The following PRKN variants were observed in gnomAD, a reference collection of about 807,000 sequenced individuals.
PRKN encodes the protein E3 ubiquitin-protein ligase parkin.
PRKN carries 56 observed loss-of-function variants against 59.5 expected under a neutral mutation model. The observed-to-expected ratio is 0.94, with a 90% CI of 0.76 to 1.18. The LOEUF (loss-of-function observed/expected upper bound fraction) is 1.18. Ranked by LOEUF, PRKN falls within the 50% of genes most tolerant of loss-of-function variation. The probability of loss-of-function intolerance (pLI) is 0.00; values close to 1 mark genes in which losing one functional copy is unlikely to be tolerated. For missense variants in PRKN, 657 were observed against 596.4 expected (o/e 1.10, Z -1.06); for synonymous variants, 250 against 222.1 (o/e 1.13, Z -1.12).
At chr6:161,924,690 G>T (rs1386421546) in intron 6 of PRKN, among the ~76,000 whole-genome samples, 1 of 152,180 alleles carries the variant, frequency 6.6e-6, no homozygotes, top group East Asian at 1.9e-4. Context: ...ACTGCCCAGG[G>T]AAAGTGTTTG....
chr6:161,943,867 TGAGGAAG>T (rs777393049), intron 6 of PRKN, among the ~76,000 whole-genome samples: 31,828 of 147,006 alleles, frequency 0.22, 4,291 homozygotes, highest in Middle Eastern at 0.34. Context: ...GGAAGCAGCC[TGAGGAAG>T]CAGCCTGAGG....
At chr6:162,042,663 A>G (rs972835977) in intron 5 of PRKN, among the ~76,000 whole-genome samples, 2 of 152,168 alleles carry the variant, frequency 1.3e-5, no homozygotes, top group African/African-American at 4.8e-5. Flanking sequence ...TCCACATTTA[A>G]ATGCAGGCCT....
intron 7 of PRKN, among the ~76,000 whole-genome samples, chr6:161,686,729 T>C (rs111793476): frequency 3.3e-5 from 5 of 152,206 alleles, no homozygotes; most frequent in African/African-American, 9.6e-5. Flanking sequence ...TCTGCCTTCG[T>C]ATCTTTGCTA....
chr6:161,742,671 T>C (rs944277762), intron 7 of PRKN, among the ~76,000 whole-genome samples: 3 of 152,194 alleles, frequency 2.0e-5, no homozygotes, highest in Admixed American at 1.3e-4. Flanking sequence ...CTTCACTTTT[T>C]TGAAGAGAAA....
In PRKN at chr6:161,385,753, A is replaced by T. The variant is rs945757363; in HGVS notation, c.1167+1041T>A. Among the ~76,000 whole-genome samples the T allele has an allele frequency of 6.6e-6, 1 of 152,202 alleles. No homozygotes were observed. Among genetic ancestry groups the T allele is most frequent in the African/African-American group, 2.4e-5 (1 of 41,458 alleles). The stretch of plus-strand genomic sequence containing the variant: ...CTGGGCCATTATTGCTTTTGCTGTC[A>T]GTACCTGGTAAGCTCGCGTTTGAAT... On this transcript the variant is annotated intron_variant, in intron 10 of 11. Coordinates refer to ENST00000366898, the MANE Select transcript of PRKN (RefSeq NM_004562.3). The surrounding 1 kb of genome is among the most constrained non-coding windows in gnomAD (Gnocchi z 4.9).
chr6:162,159,408 C>G (rs763133362), intron 4 of PRKN, among the ~76,000 whole-genome samples: 5 of 152,108 alleles, frequency 3.3e-5, no homozygotes, highest in Non-Finnish European at 5.9e-5. Context: ...TACTTAGGGA[C>G]AAGACCTATA....
chr6:162,688,779 T>C (rs570802572), intron 1 of PRKN, among the ~76,000 whole-genome samples: 2 of 152,332 alleles, frequency 1.3e-5, no homozygotes, highest in African/African-American at 2.4e-5. Flanking sequence ...GCTTAATACA[T>C]AGGAGAATAT....
At chr6:162,534,325 C>T (rs909073446) in intron 1 of PRKN, among the ~76,000 whole-genome samples, 2 of 152,088 alleles carry the variant, frequency 1.3e-5, no homozygotes, top group African/African-American at 2.4e-5. Context: ...TACCTCTGTC[C>T]CCATCTCTCA....
At chr6:162,024,201 T>G (rs940068176) in intron 5 of PRKN, among the ~76,000 whole-genome samples, 100 of 138,372 alleles carry the variant, frequency 7.2e-4, no homozygotes, top group Non-Finnish European at 1.2e-3. Flanking sequence ...ACCCTTTTTT[T>G]TTTTTTTTTT....
intron 7 of PRKN, among the ~76,000 whole-genome samples, chr6:161,690,132 T>C (rs1178278802): frequency 6.6e-6 from 1 of 152,194 alleles, no homozygotes; most frequent in East Asian, 1.9e-4. Context: ...AGGTGGATCC[T>C]AAAACATGAG....
chr6:162,374,027 G>A (rs1412057990), intron 2 of PRKN, among the ~76,000 whole-genome samples: 1 of 152,172 alleles, frequency 6.6e-6, no homozygotes, highest in African/African-American at 2.4e-5. Flanking sequence ...GGTGATCTTC[G>A]TGATTGGAAC....
intron 9 of PRKN, among the ~76,000 whole-genome samples, chr6:161,510,135 T>C (rs1425141922): frequency 6.6e-6 from 1 of 152,168 alleles, no homozygotes; most frequent in Non-Finnish European, 1.5e-5. Context: ...TGAACACTTT[T>C]ATAAAATTGT....
intron 7 of PRKN, among the ~76,000 whole-genome samples, chr6:161,723,472 T>C (rs1167994738): frequency 3.3e-5 from 5 of 152,056 alleles, no homozygotes; most frequent in African/African-American, 1.2e-4. Context: ...AAACCTACAG[T>C]TTCTGCTGGG....
intron 4 of PRKN, among the ~76,000 whole-genome samples, chr6:162,064,227 G>A (rs1562491370): frequency 6.6e-6 from 1 of 152,156 alleles, no homozygotes; most frequent in Non-Finnish European, 1.5e-5. Context: ...AATCTATGGT[G>A]ATAAAAATCA....
intron 5 of PRKN, among the ~76,000 whole-genome samples, chr6:161,989,554 G>T (rs1781564687): frequency 6.6e-6 from 1 of 152,056 alleles, no homozygotes; most frequent in African/African-American, 2.4e-5. Context: ...CACCACCTCT[G>T]CTGGCACCCA....
chr6:161,673,961 G>A (rs2128169944), intron 7 of PRKN, among the ~76,000 whole-genome samples: 1 of 152,316 alleles, frequency 6.6e-6, no homozygotes, highest in South Asian at 2.1e-4. Context: ...GGAAGTCAGG[G>A]TGGCAGCTAG....
chr6:162,583,534 T>C (rs558701948), intron 1 of PRKN, among the ~76,000 whole-genome samples: 1 of 152,320 alleles, frequency 6.6e-6, no homozygotes, highest in African/African-American at 2.4e-5. Context: ...CCTGAAGCCT[T>C]TCCTTAAGTG....
chr6:162,725,428 C>T (rs915783323), intron 1 of PRKN, among the ~76,000 whole-genome samples: 1 of 152,150 alleles, frequency 6.6e-6, no homozygotes, highest in Non-Finnish European at 1.5e-5. Context: ...GTTCACGACA[C>T]CCAAATCCCA....
chr6:161,695,052 T>C (rs1006476012), intron 7 of PRKN, among the ~76,000 whole-genome samples: 8 of 152,138 alleles, frequency 5.3e-5, no homozygotes, highest in Non-Finnish European at 1.2e-4. Flanking sequence ...TGCCAATCCC[T>C]GTGTAGTCAC....
Sources: gnomAD v4.1 joint callset for allele counts (sites outside exome capture counted in the v4.1 genomes callset) on GRCh38, gnomAD v4.1.1 for gene constraint, Gnocchi (gnomAD v3.1) non-coding constraint, MANE v1.5 for transcripts, NCBI Gene and HGNC (gene_info 2026-07-23, HGNC 2026-07-21) for gene names.